GABRB2: variants seen among roughly 807,000 people sequenced by gnomAD.
GABRB2 encodes the protein gamma-aminobutyric acid type A receptor subunit beta2, also known as gamma-aminobutyric acid receptor subunit beta-2.
A neutral mutation model predicts 54.7 loss-of-function variants in GABRB2; 16 were observed. The ratio of observed to expected loss-of-function variants is 0.29; its 90% CI spans 0.20 to 0.44. The LOEUF is 0.44. GABRB2 is among the 20% of genes least tolerant of loss of function. GABRB2 has a pLI of 1.00. For synonymous variants in GABRB2, 244 were observed against 233.8 expected (o/e 1.04, Z -0.40); for missense variants, 355 against 644.0 (o/e 0.55, Z 4.86).
chr5:161,438,932 C>A (rs984154316), intron 4 of GABRB2, among the ~76,000 whole-genome samples: 7 of 152,046 alleles, frequency 4.6e-5, no homozygotes, highest in African/African-American at 1.7e-4. Context: ...AAGGGCAAAT[C>A]TAAGAGTTAT....
intron 3 of GABRB2, among the ~76,000 whole-genome samples, chr5:161,521,779 T>C (rs1040331885): frequency 6.6e-6 from 1 of 151,878 alleles, no homozygotes; most frequent in Non-Finnish European, 1.5e-5. Flanking sequence ...CTAAACCAAC[T>C]TATGGAGGTT....
At chr5:161,462,859 T>A (rs377578133) in intron 3 of GABRB2, among the ~76,000 whole-genome samples, 1 of 152,162 alleles carries the variant, frequency 6.6e-6, no homozygotes, top group Non-Finnish European at 1.5e-5. Flanking sequence ...AAAGAAAGCA[T>A]GGTCCTGTCT....
At chr5:161,359,980 C>T (rs529852347) in intron 5 of GABRB2, among the ~76,000 whole-genome samples, 1 of 152,152 alleles carries the variant, frequency 6.6e-6, no homozygotes, top group African/African-American at 2.4e-5. Flanking sequence ...ACTCAGGAAG[C>T]TGAGGCAGGA....
At chr5:161,387,143 T>C (rs1412856807) in intron 5 of GABRB2, among the ~76,000 whole-genome samples, 3 of 152,186 alleles carry the variant, frequency 2.0e-5, no homozygotes, top group Non-Finnish European at 4.4e-5. Flanking sequence ...TATTTTCTAA[T>C]AATGTCTATT....
At chr5:161,318,491 G>A (rs1464112982) in intron 9 of GABRB2, among the ~76,000 whole-genome samples, 1 of 151,930 alleles carries the variant, frequency 6.6e-6, no homozygotes. Flanking sequence ...GATTTCCAAT[G>A]ATATGAAATT....
At chr5:161,393,299 T>TAAAAAAAAAAA (rs533308700) in intron 5 of GABRB2, among the ~76,000 whole-genome samples, 1 of 40,324 alleles carries the variant, frequency 2.5e-5, no homozygotes, top group Non-Finnish European at 4.6e-5. Flanking sequence ...TTTAAAAATG[T>TAAAAAAAAAAA]AAAAAAAAAA....
At chr5:161,359,483 G>T (rs1754738793) in intron 5 of GABRB2, among the ~76,000 whole-genome samples, 2 of 145,992 alleles carry the variant, frequency 1.4e-5, no homozygotes, top group African/African-American at 5.1e-5. Context: ...TGCTCATGAA[G>T]GCATAAGAAG....
chr5:161,354,805 T>C (rs1282405892), intron 5 of GABRB2, among the ~76,000 whole-genome samples: 1 of 152,084 alleles, frequency 6.6e-6, no homozygotes, highest in Non-Finnish European at 1.5e-5. Context: ...TTAAGACTAA[T>C]GCAAAAAAAT....
intron 5 of GABRB2, among the ~76,000 whole-genome samples, chr5:161,386,566 G>C (rs1755644790): frequency 6.6e-6 from 1 of 151,906 alleles, no homozygotes; most frequent in Admixed American, 6.6e-5. Context: ...ATTTTTTTGA[G>C]ACAAGGTCTC....
intron 5 of GABRB2, among the ~76,000 whole-genome samples, chr5:161,400,748 A>C (rs1470768793): frequency 6.6e-6 from 1 of 152,140 alleles, no homozygotes; most frequent in Admixed American, 6.6e-5. Flanking sequence ...TTGAGTTGAA[A>C]GCTGAGCCTT....
rs148191397 is a variant in GABRB2, at chr5:161,342,415, C to G, written c.542-5646G>C. ...AACTTGATTTCTGTTCTGAGAAACA[C>G]TAATCTGTAATGTGTTTCATGGAAA... On this transcript the variant is annotated intron_variant, in intron 5 of 9. Transcript: ENST00000393959. Among the ~76,000 whole-genome samples the G allele has an allele frequency of 3.9e-5, 6 of 152,086 alleles. No homozygotes were observed. The East Asian group carries it at 1.2e-3, about 30-fold the overall frequency.
At chr5:161,541,526 A>G (rs762026040) in intron 3 of GABRB2, among the ~76,000 whole-genome samples, 10 of 152,224 alleles carry the variant, frequency 6.6e-5, no homozygotes, top group Non-Finnish European at 1.3e-4. Context: ...ATTACCTTGC[A>G]TCTTCTGCAT....
At chr5:161,498,762 C>T (rs992442172) in intron 3 of GABRB2, among the ~76,000 whole-genome samples, 4 of 152,068 alleles carry the variant, frequency 2.6e-5, no homozygotes, top group Non-Finnish European at 5.9e-5. Context: ...GCATAAAACC[C>T]CTTGTGGCTT....
intron 4 of GABRB2, among the ~76,000 whole-genome samples, chr5:161,452,727 A>G (rs1039581511): frequency 6.6e-6 from 1 of 152,070 alleles, no homozygotes; most frequent in Non-Finnish European, 1.5e-5. Context: ...AGCACAGAAG[A>G]TCAGACCTGT....
intron 5 of GABRB2, among the ~76,000 whole-genome samples, chr5:161,357,488 A>G (rs950858113): frequency 1.4e-5 from 2 of 147,318 alleles, no homozygotes; most frequent in African/African-American, 5.0e-5. Flanking sequence ...TTTGAGTGAG[A>G]GTTTTCACTA....
Position 161,428,585 on chromosome 5 carries a change from T to C in GABRB2, c.459-17528A>G, listed in dbSNP as rs140065923. Among the ~76,000 whole-genome samples, 158 of 152,250 alleles carry C rather than the reference T, an allele frequency of 1.0e-3. 1 individual carries two copies. The highest frequency in any genetic ancestry group is 3.6e-3 in the African/African-American group (150 of 41,552). On this transcript the variant is annotated intron_variant, in intron 4 of 9. Transcript: ENST00000393959. ...AAACCTAAAATGTGCAAGTTTATTA[T>C]AGTGTCGTCAATAAATTTCAAAAAG...
intron 9 of GABRB2, among the ~76,000 whole-genome samples, chr5:161,312,018 T>TTGTGTG (rs3222105): frequency 1.7e-4 from 25 of 149,042 alleles, no homozygotes; most frequent in Non-Finnish European, 3.0e-4. Flanking sequence ...CAGTAATGTT[T>TTGTGTG]TGTGTGTGTG....
chr5:161,546,254 G>C (rs949478597), intron 2 of GABRB2, 68 bp downstream of exon 2: 16 of 1,259,108 alleles, frequency 1.3e-5, no homozygotes, highest in Middle Eastern at 3.7e-4. Flanking sequence ...AGAGGGAAGA[G>C]AGCGCGCACA....
intron 5 of GABRB2, among the ~76,000 whole-genome samples, chr5:161,371,342 A>G (rs555714114): frequency 5.3e-5 from 8 of 152,228 alleles, no homozygotes; most frequent in African/African-American, 1.9e-4. Flanking sequence ...ACATGTATGT[A>G]TATCTGTATG....
Sources: gnomAD v4.1 joint callset for allele counts (sites outside exome capture counted in the v4.1 genomes callset) on GRCh38, gnomAD v4.1.1 for gene constraint, MANE v1.5 for transcripts, NCBI Gene and HGNC (gene_info 2026-07-23, HGNC 2026-07-21) for gene names.